The following AQR variants were observed in gnomAD, a reference collection of about 807,000 sequenced individuals.
AQR encodes the protein RNA helicase aquarius.
AQR carries 61 observed loss-of-function variants against 180.5 expected under a neutral mutation model. That is an observed-to-expected ratio of 0.34 (90% CI 0.28 to 0.42). AQR has a LOEUF of 0.42. Ranked by LOEUF, AQR falls within the 10% of genes least tolerant of loss-of-function variation. The pLI, the probability that AQR is intolerant of heterozygous loss-of-function variation, is 1.00. For synonymous variants in AQR, 551 were observed against 588.8 expected, an observed-to-expected ratio of 0.94 and a Z score of 0.93; for missense variants, 1,281 against 1,798.3, an observed-to-expected ratio of 0.71 and a Z score of 5.20.
chr15:34,938,259 T>G (rs549667557), intron 9 of AQR, among the ~76,000 whole-genome samples: 1 of 151,888 alleles, frequency 6.6e-6, no homozygotes, highest in Non-Finnish European at 1.5e-5. Context: ...TTAGGCCAGG[T>G]GCAGTGGCTC....
At chr15:34,892,419 T>C (rs1477944503) in intron 23 of AQR, among the ~76,000 whole-genome samples, 2 of 152,212 alleles carry the variant, frequency 1.3e-5, no homozygotes, top group East Asian at 1.9e-4. Context: ...AAGTAAAAGT[T>C]CTAGTTTAGT....
chr15:34,854,778 C>T lies in AQR; in HGVS notation c.*2014G>A, dbSNP rs1319717516. 6.6e-6 allele frequency: 1 copy of T among 152,154 alleles called. No homozygotes were observed. Among genetic ancestry groups the T allele is most frequent in the Non-Finnish European group, 1.5e-5 (1 of 68,034 alleles). 9.4% of individuals were successfully genotyped at this position (152,154 alleles called of 1,614,324 possible). ...CACTCATCTAGGCAAGAGTGATGTA[C>T]ATTGCTTGGACAATAGTTAAGGAGA... is the stretch of plus-strand genomic sequence containing the variant. On this transcript the variant is annotated 3_prime_UTR_variant, in exon 35 of 35. Transcript: ENST00000156471.
intron 17 of AQR, 53 bp downstream of exon 17, chr15:34,910,082 G>C (rs934782477): frequency 1.3e-6 from 2 of 1,578,292 alleles, no homozygotes; most frequent in African/African-American, 1.3e-5. Flanking sequence ...TGCTCTAAGT[G>C]AAAGTTCATA....
At chr15:34,929,008 G>A (rs990605097) in intron 12 of AQR, among the ~76,000 whole-genome samples, 2 of 152,138 alleles carry the variant, frequency 1.3e-5, no homozygotes, top group African/African-American at 4.8e-5. Context: ...AGAAGTGTCT[G>A]TTCATATCCG....
intron 1 of AQR, among the ~76,000 whole-genome samples, chr15:34,966,869 C>CTTTTTT (rs148912380): frequency 8.9e-5 from 6 of 67,062 alleles, no homozygotes; most frequent in African/African-American, 1.8e-4. Flanking sequence ...CCACCCTGGC[C>CTTTTTT]TTTTTTTTTT....
chr15:34,857,555 G>C (rs1448035144), intron 34 of AQR, among the ~76,000 whole-genome samples: 1 of 152,122 alleles, frequency 6.6e-6, no homozygotes, highest in Non-Finnish European at 1.5e-5. Context: ...TTCGAGACTA[G>C]CCTGGCCAAC....
At chr15:34,949,989 A>C (rs1894195126) in intron 4 of AQR, among the ~76,000 whole-genome samples, 2 of 142,728 alleles carry the variant, frequency 1.4e-5, no homozygotes, top group African/African-American at 5.0e-5. Flanking sequence ...AAAAAAAAAA[A>C]TCTTCTGAAA....
rs150780916 is a variant in AQR at position 34,861,166 on chromosome 15, G to T, written c.4030-1011C>A. On this transcript the variant is annotated intron_variant, in intron 33 of 34. Coordinates refer to ENST00000156471, the MANE Select transcript of AQR (RefSeq NM_014691.3). ...CTCAAAGTGAAAAGTTATTTAAAGA[G>T]CATGAAGTTAGAAATAATTTAGTAA... Among the ~76,000 whole-genome samples the T allele has an allele frequency of 2.4e-3, 372 of 152,262 alleles. 2 individuals are homozygous for T. The highest frequency in any genetic ancestry group is 8.6e-3 in the African/African-American group (358 of 41,558).
chr15:34,941,140 C>A (rs1249934359), intron 7 of AQR, 141 bp from the exon 8 acceptor site: 2 of 503,914 alleles, frequency 4.0e-6, no homozygotes, highest in South Asian at 3.8e-5. Context: ...CATGACAAAC[C>A]CTGAAAATTA....
At chr15:34,951,381 T>A (rs1225602700) in intron 4 of AQR, among the ~76,000 whole-genome samples, 2 of 152,026 alleles carry the variant, frequency 1.3e-5, no homozygotes, top group Admixed American at 6.6e-5. Flanking sequence ...TATTAAAAAT[T>A]TTTCACTGTC....
chr15:34,933,915 G>C (rs2140493277), intron 10 of AQR, among the ~76,000 whole-genome samples: 1 of 152,296 alleles, frequency 6.6e-6, no homozygotes, highest in South Asian at 2.1e-4. Context: ...GAGCCCAGGA[G>C]TTCAAGACCA....
chr15:34,875,977 A>G lies in AQR; in HGVS notation c.3195T>C (p.Ala1065=), dbSNP rs755424649. ...KYDNILMEEA[A]QILEIETFIP... Reference sequence around the variant, plus strand: ...TAAAAGTTTCTATCTCCAGAATCTGAGCAGCCTCTTCCATCAAAATGTTGT... The same window carrying G: ...TAAAAGTTTCTATCTCCAGAATCTGGGCAGCCTCTTCCATCAAAATGTTGT... The change falls in exon 28 of 35, where the codon GCT becomes GCC. Residue 1065 remains alanine, a synonymous_variant. Transcript: ENST00000156471. The G allele has an allele frequency of 2.5e-6, 4 of 1,612,080 alleles. No individual in the cohort carries two copies. The highest frequency in any genetic ancestry group is 3.3e-5 in the Admixed American group (2 of 59,990).
intron 1 of AQR, among the ~76,000 whole-genome samples, chr15:34,968,129 G>C (rs2140512320): frequency 6.6e-6 from 1 of 151,642 alleles, no homozygotes; most frequent in African/African-American, 2.4e-5. Flanking sequence ...TTTAAGGACA[G>C]CCAGCCTTAG....
At chr15:34,934,260 TAATA>T (rs1365969670) in intron 10 of AQR, among the ~76,000 whole-genome samples, 2 of 149,362 alleles carry the variant, frequency 1.3e-5, no homozygotes, top group Admixed American at 6.7e-5. Context: ...TAATCTATAT[TAATA>T]AATATTGTAT....
intron 5 of AQR, among the ~76,000 whole-genome samples, chr15:34,946,122 T>A (rs1894108913): frequency 6.6e-6 from 1 of 151,934 alleles, no homozygotes; most frequent in South Asian, 2.1e-4. Context: ...AATACAACAA[T>A]TAGCTGGGCA....
Position 34,944,765 on chromosome 15 carries a change from CA to C in AQR, c.331-338del, listed in dbSNP as rs1249658259. On this transcript the variant is annotated intron_variant, in intron 5 of 34. Transcript: ENST00000156471. The stretch of plus-strand genomic sequence containing the variant: ...AGTGTTTTAATTTCTCTGATTTAAA[CA>C]AAAGAAACTACATCTTTAGCAAAAA... Among the ~76,000 whole-genome samples the C allele has an allele frequency of 2.0e-5, 3 of 152,104 alleles. No homozygotes were observed. The East Asian group carries it at 5.8e-4, about 29-fold the overall frequency.
chr15:34,894,344 G>A (rs777572416), intron 22 of AQR, among the ~76,000 whole-genome samples: 3 of 152,144 alleles, frequency 2.0e-5, no homozygotes, highest in Non-Finnish European at 4.4e-5. Context: ...AGAAGGAAGT[G>A]TAATAACATT....
intron 22 of AQR, among the ~76,000 whole-genome samples, chr15:34,895,448 T>C (rs183952812): frequency 7.3e-5 from 11 of 151,684 alleles, no homozygotes; most frequent in African/African-American, 1.7e-4. Flanking sequence ...CTAAAGTATA[T>C]GCTGTTTATA....
chr15:34,939,650 G>T (rs921518248), intron 8 of AQR, among the ~76,000 whole-genome samples: 1 of 152,180 alleles, frequency 6.6e-6, no homozygotes, highest in African/African-American at 2.4e-5. Flanking sequence ...GTAAATGCTT[G>T]TAACAGTCCT....
Sources: allele counts gnomAD v4.1 joint callset (sites outside exome capture counted in the v4.1 genomes callset), GRCh38; gene constraint gnomAD v4.1.1; transcripts MANE v1.5; gene names NCBI Gene and HGNC (gene_info 2026-07-23, HGNC 2026-07-21).